The following CPNE8 variants were observed in gnomAD, a reference collection of about 807,000 sequenced individuals.
The protein encoded by CPNE8 is copine-8.
In CPNE8, 45 loss-of-function variants were observed where a neutral mutation model predicts 81.5. The observed-to-expected ratio is 0.55, with a 90% CI of 0.44 to 0.71. The LOEUF is 0.71. CPNE8 is among the 30% of genes least tolerant of loss of function. The probability of loss-of-function intolerance (pLI) is 0.00; values close to 1 mark genes in which losing one functional copy is unlikely to be tolerated. For synonymous variants in CPNE8, 252 were observed against 226.3 expected (o/e 1.11, Z -1.02); for missense variants, 594 against 672.1 (o/e 0.88, Z 1.28).
chr12:38,737,404 G>T (rs1197588343), intron 10 of CPNE8, among the ~76,000 whole-genome samples: 1 of 151,868 alleles, frequency 6.6e-6, no homozygotes, highest in Non-Finnish European at 1.5e-5. Flanking sequence ...AAATAAATTT[G>T]CAGTTCAAAA....
At chr12:38,817,331 T>C (rs994924134) in intron 6 of CPNE8, among the ~76,000 whole-genome samples, 2 of 152,214 alleles carry the variant, frequency 1.3e-5, no homozygotes, top group East Asian at 3.9e-4. Flanking sequence ...ATCCTTCCAA[T>C]TGCCTTCCTA....
At chr12:38,818,088 T>C (rs1331155729) in intron 6 of CPNE8, among the ~76,000 whole-genome samples, 1 of 152,186 alleles carries the variant, frequency 6.6e-6, no homozygotes, top group Admixed American at 6.5e-5. Context: ...AATAGTGCTA[T>C]GAAGGTTAGA....
At position 38,868,481 on chromosome 12, in the gene CPNE8, G is replaced by A. The variant is rs185004367; in HGVS notation, c.186+4523C>T. On this transcript the variant is annotated intron_variant, in intron 3 of 19. Coordinates refer to ENST00000331366, the MANE Select transcript of CPNE8 (RefSeq NM_153634.3). ...CTTGGTAGAATTAATAAAATGACTA[G>A]GAAACTCTTTGAACTCCATAGCATC... is the stretch of plus-strand genomic sequence containing the variant. Among the ~76,000 whole-genome samples the A allele has an allele frequency of 9.3e-3, 1,416 of 152,040 alleles. 18 individuals carry two copies. Among genetic ancestry groups the A allele is most frequent in the South Asian group, 0.039 (186 of 4,822 alleles).
At chr12:38,732,044 C>T (rs1250562273) in intron 10 of CPNE8, among the ~76,000 whole-genome samples, 1 of 151,690 alleles carries the variant, frequency 6.6e-6, no homozygotes, top group Non-Finnish European at 1.5e-5. Context: ...GCTTTGATAT[C>T]GATAGTTGTA....
At position 38,737,726 on chromosome 12, in the gene CPNE8, C is replaced by A. The variant is rs1940987658; in HGVS notation, c.723-7368G>T. 1.3e-5 allele frequency among the ~76,000 whole-genome samples: 2 copies of A among 151,928 alleles called. 1 individual carries two copies. The highest frequency in any genetic ancestry group is 1.3e-4 in the Admixed American group (2 of 15,232). On this transcript the variant is annotated intron_variant, in intron 10 of 19. Transcript: ENST00000331366. Reference sequence around the variant, plus strand: ...CTCTCACTTTTTCACAGAGATTAAACCTGGAACACAGAGAGTCCATAACTT... The same window carrying A: ...CTCTCACTTTTTCACAGAGATTAAAACTGGAACACAGAGAGTCCATAACTT...
intron 4 of CPNE8, 65 bp downstream of exon 4, chr12:38,848,494 C>A: frequency 6.7e-7 from 1 of 1,483,196 alleles, no homozygotes; most frequent in South Asian, 1.4e-5. Flanking sequence ...TAGGACCCTG[C>A]CTTACATTAG....
chr12:38,833,351 CAAAA>C (rs774534221), intron 5 of CPNE8, among the ~76,000 whole-genome samples: 8 of 61,866 alleles, frequency 1.3e-4, no homozygotes, highest in East Asian at 4.2e-4. Flanking sequence ...GACCTTATCT[CAAAA>C]AAAAAAAAAA....
chr12:38,740,178 C>A (rs946765127), intron 10 of CPNE8, among the ~76,000 whole-genome samples: 7 of 152,138 alleles, frequency 4.6e-5, no homozygotes, highest in Non-Finnish European at 8.8e-5. Flanking sequence ...TGGGAGTTCA[C>A]TCATGATTTG....
rs749156102 is a variant in CPNE8 at position 38,900,160 on chromosome 12, T to TCAGCAC, written c.98+5276_98+5277insGTGCTG. On this transcript the variant is annotated intron_variant, in intron 1 of 19. Transcript: ENST00000331366. ...CTCCAGCACACCATCAAAAAGTATC[T>TCAGCAC]TCCTAACACCCTAGTAGGGTGGGTT... is the stretch of plus-strand genomic sequence containing the variant. 9.3e-3 allele frequency among the ~76,000 whole-genome samples: 1,409 copies of TCAGCAC among 152,272 alleles called. 18 individuals carry two copies. Among genetic ancestry groups the TCAGCAC allele is most frequent in the South Asian group, 0.038 (185 of 4,824 alleles).
intron 3 of CPNE8, among the ~76,000 whole-genome samples, chr12:38,868,995 A>C (rs1234241668): frequency 6.6e-6 from 1 of 152,188 alleles, no homozygotes; most frequent in Non-Finnish European, 1.5e-5. Context: ...GTTGAATCAC[A>C]TGAAACTGCC....
At chr12:38,815,354 G>C (rs1943007552) in intron 6 of CPNE8, among the ~76,000 whole-genome samples, 1 of 152,066 alleles carries the variant, frequency 6.6e-6, no homozygotes, top group African/African-American at 2.4e-5. Flanking sequence ...CTTTTACGCT[G>C]AGTAGATATC....
chr12:38,896,801 C>T (rs889120376), intron 1 of CPNE8, among the ~76,000 whole-genome samples: 1 of 152,074 alleles, frequency 6.6e-6, no homozygotes, highest in Non-Finnish European at 1.5e-5. Context: ...GCAGCTTTAT[C>T]ACTGTCACCT....
chr12:38,883,957 A>C (rs1183387768), intron 1 of CPNE8, among the ~76,000 whole-genome samples: 2 of 152,216 alleles, frequency 1.3e-5, no homozygotes, highest in Non-Finnish European at 2.9e-5. Flanking sequence ...TCTAAAGGTC[A>C]CTAGGCATGT....
At chr12:38,863,508 A>G (rs1943870988) in intron 3 of CPNE8, among the ~76,000 whole-genome samples, 1 of 152,254 alleles carries the variant, frequency 6.6e-6, no homozygotes, top group African/African-American at 2.4e-5. Context: ...CTACAAGTTT[A>G]TGACAAAGAA....
Position 38,762,103 on chromosome 12 carries a change from CCTT to C in CPNE8, c.680+6_680+8del. The C allele has an allele frequency of 4.5e-6, 6 of 1,323,674 alleles. No individual in the cohort carries two copies. Among genetic ancestry groups the C allele is most frequent in the Non-Finnish European group, 6.1e-6 (6 of 980,500 alleles). 82.0% of individuals were successfully genotyped at this position (1,323,674 alleles called of 1,614,324 possible). A position where few individuals can be genotyped will look rare whatever the true frequency, so the allele number is the denominator to read the frequency against. ...ATTTGAAGATTTTTGAATAAACTAT[CCTT>C]CTTACCTGTCATAGTCTCCATTACA... On this transcript the variant is annotated splice_donor_region_variant and intron_variant, in intron 9 of 19. Transcript: ENST00000331366.
chr12:38,780,743 G>A (rs915842241), intron 6 of CPNE8, among the ~76,000 whole-genome samples: 4 of 152,152 alleles, frequency 2.6e-5, no homozygotes, highest in East Asian at 3.9e-4. Flanking sequence ...ATATAAGATT[G>A]TAAACAGTAA....
intron 1 of CPNE8, among the ~76,000 whole-genome samples, chr12:38,895,337 A>T (rs2137152224): frequency 6.6e-6 from 1 of 152,082 alleles, no homozygotes; most frequent in East Asian, 1.9e-4. Context: ...CTGGACTGAA[A>T]TTGTAGGGCC....
intron 6 of CPNE8, among the ~76,000 whole-genome samples, chr12:38,812,959 T>C (rs1408300867): frequency 6.6e-6 from 1 of 152,160 alleles, no homozygotes; most frequent in Non-Finnish European, 1.5e-5. Context: ...CAGTACAAAA[T>C]AGACTAAGAG....
At chr12:38,799,435 C>A (rs1233518639) in intron 6 of CPNE8, among the ~76,000 whole-genome samples, 2 of 152,068 alleles carry the variant, frequency 1.3e-5, no homozygotes, top group Non-Finnish European at 2.9e-5. Context: ...ACAACCTGCT[C>A]CTGAATGACT....
Sources: allele counts gnomAD v4.1 joint callset (sites outside exome capture counted in the v4.1 genomes callset), GRCh38; gene constraint gnomAD v4.1.1; transcripts MANE v1.5; gene names NCBI Gene and HGNC (gene_info 2026-07-23, HGNC 2026-07-21).